The following NFAM1 variants were observed in gnomAD, a reference collection of about 807,000 sequenced individuals.
NFAM1 encodes the protein NFAT activating protein with ITAM motif 1, also known as NFAT activation molecule 1.
Under a neutral mutation model 29.0 loss-of-function variants are expected in NFAM1, and 17 were observed. The observed-to-expected ratio is 0.59, with a 90% CI of 0.40 to 0.88. NFAM1 has a LOEUF of 0.88. Among genes scored for constraint, NFAM1 ranks in the 40% least tolerant of loss-of-function variants. The probability of loss-of-function intolerance (pLI) is 0.00; values close to 1 mark genes in which losing one functional copy is unlikely to be tolerated. For synonymous variants in NFAM1, 175 were observed against 147.2 expected, an observed-to-expected ratio of 1.19 and a Z score of -1.36; for missense variants, 324 against 344.6, an observed-to-expected ratio of 0.94 and a Z score of 0.47.
chr22:42,390,737 A>G (rs757723235), intron 4 of NFAM1, among the ~76,000 whole-genome samples: 5 of 150,430 alleles, frequency 3.3e-5, no homozygotes, highest in Non-Finnish European at 5.9e-5. Flanking sequence ...GAATCACTTG[A>G]ACCCGGGAGG....
At chr22:42,437,816 T>G in the NFAM1 span, among the ~76,000 whole-genome samples, 2 of 150,586 alleles carry the variant, frequency 1.3e-5, no homozygotes, top group African/African-American at 2.4e-5. Context: ...TCCGGGGGGG[T>G]CCGGTGCAGG....
At chr22:42,393,083 A>T (rs546145717) in intron 4 of NFAM1, among the ~76,000 whole-genome samples, 1 of 152,266 alleles carries the variant, frequency 6.6e-6, no homozygotes, top group African/African-American at 2.4e-5. Context: ...AGTTTTTTTT[A>T]AAACAAATTG....
At chr22:42,435,932 G>A (rs969618604), upstream of NFAM1, among the ~76,000 whole-genome samples, 2 of 148,520 alleles carry the variant, frequency 1.3e-5, no homozygotes, top group Non-Finnish European at 3.0e-5. Flanking sequence ...TGATTCTCCC[G>A]CCTCAGCCTT....
intron 1 of NFAM1, among the ~76,000 whole-genome samples, chr22:42,414,850 A>C (rs2147111403): frequency 6.6e-6 from 1 of 152,214 alleles, no homozygotes; most frequent in Non-Finnish European, 1.5e-5. Context: ...CTTCAGACCA[A>C]TTTCTTTAAA....
intron 1 of NFAM1, among the ~76,000 whole-genome samples, chr22:42,422,135 T>G (rs1193897042): frequency 6.6e-6 from 1 of 152,188 alleles, no homozygotes; most frequent in Non-Finnish European, 1.5e-5. Context: ...CCTCAAGACG[T>G]GGCCATTTCC....
intron 1 of NFAM1, among the ~76,000 whole-genome samples, chr22:42,420,798 G>A (rs971125990): frequency 1.3e-5 from 2 of 152,108 alleles, no homozygotes; most frequent in African/African-American, 4.8e-5. Context: ...ACTCCTCAAA[G>A]CAAGAAAAGA....
At position 42,409,330 on chromosome 22, in the gene NFAM1, G is replaced by A. The variant is rs1018862606; in HGVS notation, c.564+105C>T. On this transcript the variant is annotated intron_variant, in intron 3 of 5. Transcript: ENST00000329021. The surrounding 1 kb of genome is among the most constrained non-coding windows in gnomAD (Gnocchi z 4.9). ...ACGAGGGCCACCTGTTACAGATGTG[G>A]ATGTGCCCTCACCAGGGCCCACCAA... 1.1e-5 allele frequency: 6 copies of A among 548,360 alleles called. No homozygotes were observed. In the African/African-American group the frequency reaches 1.2e-4, roughly 11 times the overall value. 34.0% of individuals were successfully genotyped at this position (548,360 alleles called of 1,614,324 possible).
intron 3 of NFAM1, among the ~76,000 whole-genome samples, chr22:42,407,903 C>CTTTTTTTTTTTTTTTTTTTTTTTTTT (rs61407898): frequency 9.7e-6 from 1 of 103,312 alleles, no homozygotes; most frequent in Non-Finnish European, 1.9e-5. Flanking sequence ...ACAGATTTCT[C>CTTTTTTTTTTTTTTTTTTTTTTTTTT]TTTTTTTTTT....
chr22:42,411,433 C>T lies in NFAM1; in HGVS notation c.425G>A (p.Gly142Asp), dbSNP rs2147108632. 1 of 1,613,888 alleles carries T rather than the reference C, an allele frequency of 6.2e-7. No individual in the cohort carries two copies. The highest frequency in any genetic ancestry group is 8.5e-7 in the Non-Finnish European group (1 of 1,179,816). ...TCTGACCAGGATGAAGGTGCCGCTG[C>T]CTCTCACCGTGGAGTGTGGCCAGTG... Reference protein sequence around the residue: ...SVHWPHSTVRGSGTFILVRDA... With the variant: ...SVHWPHSTVRDSGTFILVRDA... Residue 142 changes from glycine (G) to aspartate (D), a missense_variant, in exon 2 of 6, where the codon GGC (glycine) becomes GAC (aspartate). Transcript: ENST00000329021.
rs1012936924 is a variant in NFAM1 at position 42,417,357 on chromosome 22, A to T, written c.122-5621T>A. Among the ~76,000 whole-genome samples the T allele has an allele frequency of 2.0e-5, 3 of 152,330 alleles. No individual in the cohort carries two copies. In the East Asian group the frequency reaches 5.8e-4, roughly 29 times the overall value. The stretch of plus-strand genomic sequence containing the variant: ...AATCCCCCAGCACCAAGGGGCCTAG[A>T]GGGCCCAGGAGCTGCTCCCAGCTGC... On this transcript the variant is annotated intron_variant, in intron 1 of 5. Transcript: ENST00000329021.
chr22:42,435,944 C>A (rs918675254), upstream of NFAM1, among the ~76,000 whole-genome samples: 2 of 151,710 alleles, frequency 1.3e-5, no homozygotes, highest in Non-Finnish European at 2.9e-5. Context: ...CTCAGCCTTC[C>A]GAGTAGTTGG....
At chr22:42,392,989 G>A (rs751597965) in intron 4 of NFAM1, among the ~76,000 whole-genome samples, 16 of 151,928 alleles carry the variant, frequency 1.1e-4, no homozygotes, top group Non-Finnish European at 1.6e-4. Context: ...TAGTAGAGAG[G>A]GGGTTTCATC....
At chr22:42,404,852 CAAAA>C (rs397937097) in intron 3 of NFAM1, among the ~76,000 whole-genome samples, 13 of 88,720 alleles carry the variant, frequency 1.5e-4, no homozygotes, top group African/African-American at 5.1e-4. Context: ...AACTCCATCT[CAAAA>C]AAAAAAAAAA....
At chr22:42,387,382 G>A (rs565970857) in intron 4 of NFAM1, among the ~76,000 whole-genome samples, 82 of 152,216 alleles carry the variant, frequency 5.4e-4, no homozygotes, top group African/African-American at 2.0e-3. Context: ...CAAGAGAAAG[G>A]GCCAGGCCTC....
At chr22:42,401,041 T>A (rs1203303658) in intron 3 of NFAM1, among the ~76,000 whole-genome samples, 1 of 152,102 alleles carries the variant, frequency 6.6e-6, no homozygotes, top group Admixed American at 6.6e-5. Context: ...GAAGACCCTG[T>A]GGTGAACAAG....
chr22:42,427,652 C>G (rs1401497752), intron 1 of NFAM1, among the ~76,000 whole-genome samples: 2 of 152,220 alleles, frequency 1.3e-5, no homozygotes, highest in African/African-American at 2.4e-5. Context: ...CTTGCTCTAT[C>G]TATAGCAACA....
chr22:42,392,180 T>C (rs893238579), intron 4 of NFAM1, among the ~76,000 whole-genome samples: 1 of 149,198 alleles, frequency 6.7e-6, no homozygotes, highest in African/African-American at 2.4e-5. Context: ...CTCCAATCTT[T>C]ACAGTTCAGG....
intron 3 of NFAM1, among the ~76,000 whole-genome samples, chr22:42,400,553 G>A (rs1251732086): frequency 6.6e-6 from 1 of 152,196 alleles, no homozygotes; most frequent in African/African-American, 2.4e-5. Context: ...GGAGGTGGAG[G>A]TTGCAGTGAG....
At chr22:42,416,500 A>G (rs1219418090) in intron 1 of NFAM1, among the ~76,000 whole-genome samples, 1 of 152,184 alleles carries the variant, frequency 6.6e-6, no homozygotes, top group Non-Finnish European at 1.5e-5. Flanking sequence ...AGATGCTAAT[A>G]AGAGGTTTGT....
Sources: allele counts gnomAD v4.1 joint callset (sites outside exome capture counted in the v4.1 genomes callset), GRCh38; gene constraint gnomAD v4.1.1; non-coding constraint Gnocchi (gnomAD v3.1); transcripts MANE v1.5; gene names NCBI Gene and HGNC (gene_info 2026-07-23, HGNC 2026-07-21).